TMTC2: variants seen among roughly 807,000 people sequenced by gnomAD.
TMTC2 encodes the protein protein O-mannosyl-transferase TMTC2.
A neutral mutation model predicts 82.4 loss-of-function variants in TMTC2; 43 were observed. The observed-to-expected ratio is 0.52, with a 90% confidence interval of 0.41 to 0.67. TMTC2 has a LOEUF of 0.67. TMTC2 is among the 30% of genes least tolerant of loss of function. The probability of loss-of-function intolerance (pLI) is 0.00; values close to 1 mark genes in which losing one functional copy is unlikely to be tolerated. For missense variants in TMTC2, 919 were observed against 1,012.4 expected (o/e 0.91, Z 1.25); for synonymous variants, 408 against 381.9 (o/e 1.07, Z -0.80).
At chr12:82,967,415 AAAC>A (rs1018176814) in intron 7 of TMTC2, among the ~76,000 whole-genome samples, 11 of 152,152 alleles carry the variant, frequency 7.2e-5, no homozygotes, top group Admixed American at 1.3e-4. Context: ...TTAATAATAA[AAAC>A]AAGATTATGC....
intron 2 of TMTC2, among the ~76,000 whole-genome samples, chr12:82,875,899 TAAAAA>T (rs781413116): frequency 1.8e-5 from 2 of 113,578 alleles, no homozygotes; most frequent in Admixed American, 1.9e-4. Context: ...AGCTCACGCT[TAAAAA>T]AAAAAAAAAA....
chr12:82,721,221 A>G (rs947662662), intron 1 of TMTC2, among the ~76,000 whole-genome samples: 1 of 152,110 alleles, frequency 6.6e-6, no homozygotes, highest in Non-Finnish European at 1.5e-5. Context: ...CTAGAAGAGT[A>G]TTTACTTGCA....
chr12:82,804,396 T>G (rs951150782), intron 1 of TMTC2, among the ~76,000 whole-genome samples: 11 of 152,096 alleles, frequency 7.2e-5, no homozygotes, highest in Admixed American at 3.9e-4. Context: ...CTTTGAAAAA[T>G]CATGGTGTAT....
chr12:82,896,432 A>G lies in TMTC2; in HGVS notation c.1269A>G (p.Val423=). The change falls in exon 3 of 12, where the codon GTA becomes GTG. Residue 423 remains valine, a synonymous_variant. Transcript: ENST00000321196. ...TCGGCTTTGTAATTGCAGAGCGAGTATTATATATTCCTAGTATGGGCTTCT... is the reference window on the plus strand; with the variant it reads ...TCGGCTTTGTAATTGCAGAGCGAGTGTTATATATTCCTAGTATGGGCTTCT... ...FYVGFVIAER[V]LYIPSMGFCL... The G allele has an allele frequency of 1.9e-6, 3 of 1,614,160 alleles. No homozygotes were observed. The highest frequency in any genetic ancestry group is 2.2e-5 in the East Asian group (1 of 44,872).
chr12:82,872,265 G>C (rs1172015699), intron 2 of TMTC2, among the ~76,000 whole-genome samples: 1 of 152,008 alleles, frequency 6.6e-6, no homozygotes, highest in Non-Finnish European at 1.5e-5. Flanking sequence ...GGCCTGCAGG[G>C]GCATATCATT....
At position 83,019,157 on chromosome 12, in the gene TMTC2, CTAAAAA is replaced by C. The variant is rs1437842479; in HGVS notation, c.2071-11640_2071-11635del. Among the ~76,000 whole-genome samples, 8 of 14,452 alleles carry C rather than the reference CTAAAAA, an allele frequency of 5.5e-4. No homozygotes were observed. In the East Asian group the frequency reaches 0.5, roughly 903 times the overall value. The allele number at this position is 14,452 out of a possible 152,430, so 9.5% of individuals were successfully genotyped here. A position where few individuals can be genotyped will look rare whatever the true frequency, so the allele number is the denominator to read the frequency against. Reference sequence around the variant, plus strand: ...TTTCCTCTTCTAATTTTAAACTAAACTAAAAAAAAAAAACATACACATTAATTTTTA... The same window carrying C: ...TTTCCTCTTCTAATTTTAAACTAAACAAAAAAACATACACATTAATTTTTA... On this transcript the variant is annotated intron_variant, in intron 8 of 11. Transcript: ENST00000321196.
At chr12:82,852,307 C>T (rs1292753196) in intron 1 of TMTC2, among the ~76,000 whole-genome samples, 2 of 151,986 alleles carry the variant, frequency 1.3e-5, no homozygotes, top group African/African-American at 4.8e-5. Context: ...CAGGGTTTTA[C>T]TGTGTTAGCC....
chr12:83,061,856 A>G, intron 11 of TMTC2, 25 bp downstream of exon 11: 1 of 1,544,078 alleles, frequency 6.5e-7, no homozygotes, highest in Non-Finnish European at 8.8e-7. Flanking sequence ...AATGAGAAAC[A>G]TTTTCAGAGG....
chr12:82,980,184 T>C (rs1878855677), intron 7 of TMTC2, among the ~76,000 whole-genome samples: 1 of 151,822 alleles, frequency 6.6e-6, no homozygotes, highest in South Asian at 2.1e-4. Flanking sequence ...AATCAATTAA[T>C]TAAAGTGAAT....
At chr12:83,127,280 G>A (rs1487256565) in intron 11 of TMTC2, among the ~76,000 whole-genome samples, 3 of 152,230 alleles carry the variant, frequency 2.0e-5, no homozygotes, top group Non-Finnish European at 4.4e-5. Flanking sequence ...AAATATGCAA[G>A]TCAGGATAAT....
At chr12:82,766,935 A>G (rs561260721) in intron 1 of TMTC2, among the ~76,000 whole-genome samples, 25 of 152,262 alleles carry the variant, frequency 1.6e-4, no homozygotes, top group African/African-American at 5.5e-4. Flanking sequence ...AGTAGCTGGG[A>G]CTACAAGTGC....
At chr12:82,954,989 C>A (rs1301401184) in intron 4 of TMTC2, among the ~76,000 whole-genome samples, 1 of 152,030 alleles carries the variant, frequency 6.6e-6, no homozygotes, top group East Asian at 1.9e-4. Context: ...TGTAGTATAT[C>A]TTCTTGTATA....
rs879926768 is a variant in TMTC2, at chr12:82,975,901, A to ATTTT, written c.1948+8904_1948+8905insTTTT. On this transcript the variant is annotated intron_variant, in intron 7 of 11. Coordinates refer to ENST00000321196, the MANE Select transcript of TMTC2 (RefSeq NM_152588.3). The stretch of plus-strand genomic sequence containing the variant: ...TCTCTGGTATAAACTTTTTTTTAAA[A>ATTTT]AAAAAATAATGCTATTTAGCACTTC... Among the ~76,000 whole-genome samples the ATTTT allele has an allele frequency of 1.4e-3, 205 of 141,758 alleles. 1 individual carries two copies. Among genetic ancestry groups the ATTTT allele is most frequent in the African/African-American group, 5.1e-3 (199 of 39,390 alleles). The allele number at this position is 141,758 out of a possible 152,430, so 93.0% of individuals were successfully genotyped here. A position where few individuals can be genotyped will look rare whatever the true frequency, so the allele number is the denominator to read the frequency against.
chr12:82,760,134 A>G (rs774508825), intron 1 of TMTC2: 1 of 152,044 alleles, frequency 6.6e-6, no homozygotes, highest in Non-Finnish European at 1.5e-5. Flanking sequence ...AAACTAACCA[A>G]GTAAATTTGG....
intron 1 of TMTC2, among the ~76,000 whole-genome samples, chr12:82,817,045 G>A (rs1310694905): frequency 2.0e-5 from 3 of 148,340 alleles, no homozygotes; most frequent in African/African-American, 7.5e-5. Context: ...TCGGCTCACT[G>A]TAACCTCCGC....
intron 4 of TMTC2, among the ~76,000 whole-genome samples, chr12:82,948,697 T>C (rs1816843218): frequency 6.6e-6 from 1 of 152,218 alleles, no homozygotes. Flanking sequence ...AACATTTATG[T>C]TTAAAGTGAG....
At chr12:83,113,154 G>A (rs779122106) in intron 11 of TMTC2, among the ~76,000 whole-genome samples, 2 of 152,104 alleles carry the variant, frequency 1.3e-5, no homozygotes, top group Non-Finnish European at 2.9e-5. Flanking sequence ...TTACTTCCTT[G>A]CTTCCTTTTT....
At chr12:82,792,550 T>C (rs1053816230) in intron 1 of TMTC2, among the ~76,000 whole-genome samples, 1 of 152,028 alleles carries the variant, frequency 6.6e-6, no homozygotes, top group Non-Finnish European at 1.5e-5. Flanking sequence ...CACTGCAGCC[T>C]CAACTTCCTG....
At chr12:83,110,808 C>A (rs1319083861) in intron 11 of TMTC2, among the ~76,000 whole-genome samples, 2 of 152,216 alleles carry the variant, frequency 1.3e-5, no homozygotes, top group African/African-American at 4.8e-5. Flanking sequence ...CCCAAACTCT[C>A]AGGGATCTTG....
Sources: gnomAD v4.1 joint callset for allele counts (sites outside exome capture counted in the v4.1 genomes callset) on GRCh38, gnomAD v4.1.1 for gene constraint, MANE v1.5 for transcripts, NCBI Gene and HGNC (gene_info 2026-07-23, HGNC 2026-07-21) for gene names.